EYA1: variants seen among roughly 807,000 people sequenced by gnomAD.
EYA1 encodes the protein EYA transcriptional coactivator and phosphatase 1, also known as protein phosphatase EYA1.
EYA1 carries 16 observed loss-of-function variants against 82.0 expected under a neutral mutation model. The ratio of observed to expected loss-of-function variants is 0.20; its 90% CI spans 0.13 to 0.30. EYA1 has a LOEUF of 0.30. Ranked by LOEUF, EYA1 falls within the 10% of genes least tolerant of loss-of-function variation. The pLI is 1.00. For synonymous variants in EYA1, 261 were observed against 264.4 expected (o/e 0.99, Z 0.12); for missense variants, 633 against 730.7 (o/e 0.87, Z 1.54).
chr8:71,429,930 A>G (rs905475897), intron 2 of EYA1, among the ~76,000 whole-genome samples: 1 of 152,316 alleles, frequency 6.6e-6, no homozygotes, highest in South Asian at 2.1e-4. Context: ...AATACAGTCA[A>G]GTCCTCTGTG....
At chr8:71,523,179 CTTTT>C (rs1160944112) in intron 2 of EYA1, among the ~76,000 whole-genome samples, 2 of 119,752 alleles carry the variant, frequency 1.7e-5, no homozygotes, top group African/African-American at 2.9e-5. Context: ...TTTTCTTTTT[CTTTT>C]TTTTTTTTTT....
intron 2 of EYA1, among the ~76,000 whole-genome samples, chr8:71,355,123 C>T (rs1826732713): frequency 6.6e-6 from 1 of 152,156 alleles, no homozygotes; most frequent in African/African-American, 2.4e-5. Flanking sequence ...CCTATACAGC[C>T]AGTCACATGA....
chr8:71,415,061 A>G (rs775193596), intron 2 of EYA1, among the ~76,000 whole-genome samples: 5 of 152,212 alleles, frequency 3.3e-5, no homozygotes, highest in Non-Finnish European at 2.9e-5. Context: ...TCAGCATCAC[A>G]TAACAGTAGA....
intron 2 of EYA1, among the ~76,000 whole-genome samples, chr8:71,455,998 G>A (rs1003052445): frequency 6.6e-6 from 1 of 152,072 alleles, no homozygotes; most frequent in Non-Finnish European, 1.5e-5. Flanking sequence ...GATTGTATAT[G>A]TAGAAAACCC....
At chr8:71,253,668 C>A (rs1586015944) in intron 11 of EYA1, among the ~76,000 whole-genome samples, 1 of 152,084 alleles carries the variant, frequency 6.6e-6, no homozygotes, top group African/African-American at 2.4e-5. Context: ...TATAGACTAA[C>A]CATGTTAATT....
chr8:71,266,275 A>C (rs1269414008), intron 11 of EYA1, among the ~76,000 whole-genome samples: 1 of 152,208 alleles, frequency 6.6e-6, no homozygotes, highest in Non-Finnish European at 1.5e-5. Context: ...CCTAAAAAGA[A>C]GTCTTGTCAC....
intron 2 of EYA1, among the ~76,000 whole-genome samples, chr8:71,475,224 A>G (rs1563650736): frequency 6.6e-6 from 1 of 152,248 alleles, no homozygotes; most frequent in Non-Finnish European, 1.5e-5. Context: ...ATCAAGGTAT[A>G]TAATAGTGTG....
intron 2 of EYA1, among the ~76,000 whole-genome samples, chr8:71,430,871 G>C (rs1305806303): frequency 6.7e-6 from 1 of 148,680 alleles, no homozygotes; most frequent in African/African-American, 2.5e-5. Context: ...AACACAGGTA[G>C]TTGGAAATAA....
intron 2 of EYA1, among the ~76,000 whole-genome samples, chr8:71,483,514 C>T (rs962999165): frequency 1.4e-4 from 21 of 151,772 alleles, no homozygotes; most frequent in African/African-American, 5.1e-4. Context: ...GCAAAACTAG[C>T]TCACATTCTT....
intron 9 of EYA1, among the ~76,000 whole-genome samples, chr8:71,273,258 C>T (rs1816761527): frequency 6.6e-6 from 1 of 152,118 alleles, no homozygotes; most frequent in African/African-American, 2.4e-5. Flanking sequence ...ATTCTCACAC[C>T]CAGAAACCAC....
chr8:71,478,393 G>A (rs979657679), intron 2 of EYA1, among the ~76,000 whole-genome samples: 14 of 152,074 alleles, frequency 9.2e-5, no homozygotes, highest in African/African-American at 3.4e-4. Context: ...ATTAATCATA[G>A]TCCAATAGAG....
chr8:71,297,141 T>C (rs79103549), intron 9 of EYA1, among the ~76,000 whole-genome samples: 3,976 of 152,240 alleles, frequency 0.026, 192 homozygotes, highest in African/African-American at 0.091. Context: ...AATAAGTACC[T>C]AAAACACTAA....
intron 7 of EYA1, among the ~76,000 whole-genome samples, chr8:71,310,588 T>C (rs1290543431): frequency 1.3e-5 from 2 of 152,208 alleles, no homozygotes; most frequent in Non-Finnish European, 2.9e-5. Flanking sequence ...GCAAAGGACA[T>C]GATCTCATTC....
At chr8:71,383,087 A>G (rs1310168634) in intron 2 of EYA1, among the ~76,000 whole-genome samples, 1 of 97,772 alleles carries the variant, frequency 1.0e-5, no homozygotes, top group Non-Finnish European at 2.1e-5. Context: ...GTTTTCTAAC[A>G]GCACCTATTT....
intron 2 of EYA1, among the ~76,000 whole-genome samples, chr8:71,398,334 C>T (rs909907751): frequency 2.0e-5 from 3 of 152,216 alleles, no homozygotes; most frequent in Non-Finnish European, 4.4e-5. Flanking sequence ...TGTTCCATTG[C>T]TGGCCAGGAC....
intron 2 of EYA1, among the ~76,000 whole-genome samples, chr8:71,509,469 T>C (rs1231646475): frequency 6.6e-6 from 1 of 152,150 alleles, no homozygotes; most frequent in East Asian, 1.9e-4. Flanking sequence ...AAAGCATGCT[T>C]AAGTAGGAAG....
chr8:71,296,838 A>G (rs1819652957), intron 9 of EYA1, among the ~76,000 whole-genome samples: 1 of 152,132 alleles, frequency 6.6e-6, no homozygotes, highest in African/African-American at 2.4e-5. Flanking sequence ...TACGACTACT[A>G]AGAAAGACAA....
At chr8:71,307,466 A>T (rs559360676) in intron 7 of EYA1, among the ~76,000 whole-genome samples, 1 of 152,152 alleles carries the variant, frequency 6.6e-6, no homozygotes, top group South Asian at 2.1e-4. Context: ...GTCCCACCAC[A>T]CTCGGCTGAC....
chr8:71,459,092 A>C (rs1808176381), intron 2 of EYA1, among the ~76,000 whole-genome samples: 1 of 152,150 alleles, frequency 6.6e-6, no homozygotes, highest in African/African-American at 2.4e-5. Context: ...GTTTCTACAA[A>C]GTTTTCAAGG....
Sources: gnomAD v4.1 joint callset for allele counts (sites outside exome capture counted in the v4.1 genomes callset) on GRCh38, gnomAD v4.1.1 for gene constraint, MANE v1.5 for transcripts, NCBI Gene and HGNC (gene_info 2026-07-23, HGNC 2026-07-21) for gene names.